KMT2C: variants seen among roughly 807,000 people sequenced by gnomAD.
KMT2C encodes lysine methyltransferase 2C, also known as histone-lysine N-methyltransferase 2C.
A neutral mutation model predicts 507.9 loss-of-function variants in KMT2C; 88 were observed. The ratio of observed to expected loss-of-function variants is 0.17; its 90% CI spans 0.15 to 0.21. The LOEUF (loss-of-function observed/expected upper bound fraction) is 0.21, where lower values mean the gene tolerates loss of function less well. KMT2C is among the 10% of genes least tolerant of loss of function. KMT2C has a pLI of 1.00. For synonymous variants in KMT2C, 2,049 were observed against 2,080.8 expected (o/e 0.98, Z 0.42); for missense variants, 4,954 against 5,957.8 (o/e 0.83, Z 5.55).
chr7:152,433,241 G>A (rs9801022), intron 1 of KMT2C, among the ~76,000 whole-genome samples: 9 of 151,908 alleles, frequency 5.9e-5, no homozygotes, highest in Admixed American at 2.6e-4. Context: ...ATCTCTATGA[G>A]ATTTAGCAAA....
intron 6 of KMT2C, among the ~76,000 whole-genome samples, chr7:152,307,266 G>C (rs1036228268): frequency 8.6e-6 from 1 of 116,560 alleles, no homozygotes; most frequent in African/African-American, 4.2e-5. Context: ...AGGAAGGAAG[G>C]AAGGAAGAAA....
intron 26 of KMT2C, among the ~76,000 whole-genome samples, chr7:152,201,502 T>C (rs1370062252): frequency 6.6e-6 from 1 of 151,520 alleles, no homozygotes; most frequent in Non-Finnish European, 1.5e-5. Flanking sequence ...AAATTTATAT[T>C]ACACTTTACA....
intron 2 of KMT2C, among the ~76,000 whole-genome samples, chr7:152,342,631 A>G (rs542101172): frequency 5.9e-5 from 9 of 152,262 alleles, no homozygotes; most frequent in African/African-American, 9.6e-5. Flanking sequence ...CCTGAACCAT[A>G]ATTGACAAAA....
In KMT2C at chr7:152,311,880, A is replaced by T. The variant is rs768038985; in HGVS notation, c.657T>A (p.Asp219Glu). The change falls in exon 5 of 59, where the codon GAT becomes GAA. Residue 219 changes from aspartate to glutamate, a missense_variant. Asp to Glu is a conservative substitution (Grantham distance 45). Around this residue, in one of 29 missense-constraint regions of KMT2C, gnomAD observed 233 missense variants for 263.6 expected, o/e 0.88. Coordinates refer to ENST00000262189, the MANE Select transcript of KMT2C (RefSeq NM_170606.3). The part of the protein sequence containing the change: ...VSVSTQTASD[D>E]QAGKLWDELS... The stretch of plus-strand genomic sequence containing the variant: ...GTTCATCCCACAGTTTACCAGCTTG[A>T]TCATCTGAAGCTGTCTGGGTGCTTA... The T allele has an allele frequency of 6.8e-6, 11 of 1,611,924 alleles. No homozygotes were observed. Among genetic ancestry groups the T allele is most frequent in the Non-Finnish European group, 9.3e-6 (11 of 1,178,310 alleles).
chr7:152,229,312 A>G (rs1203061463), intron 18 of KMT2C, among the ~76,000 whole-genome samples: 1 of 152,162 alleles, frequency 6.6e-6, no homozygotes, highest in African/African-American at 2.4e-5. Flanking sequence ...GTTCTTAAAA[A>G]GAAAAAACCA....
intron 6 of KMT2C, among the ~76,000 whole-genome samples, chr7:152,304,993 A>G (rs2096602799): frequency 6.6e-6 from 1 of 152,230 alleles, no homozygotes; most frequent in South Asian, 2.1e-4. Flanking sequence ...TGCTCTATTT[A>G]GAGATTAAGT....
intron 1 of KMT2C, chr7:152,367,147 G>C (rs999967451): frequency 4.9e-5 from 64 of 1,296,984 alleles, no homozygotes; most frequent in Non-Finnish European, 6.4e-5. Context: ...TAGCACTGGA[G>C]AAACGAGGAA....
At chr7:152,369,062 C>G (rs751218649) in intron 1 of KMT2C, among the ~76,000 whole-genome samples, 9 of 151,998 alleles carry the variant, frequency 5.9e-5, no homozygotes, top group Non-Finnish European at 8.8e-5. Context: ...GTGGCTCACA[C>G]CTGTAATCCC....
In KMT2C at chr7:152,149,023, G is replaced by A; in HGVS notation, c.12904C>T (p.Pro4302Ser). 6.5e-7 allele frequency: 1 copy of A among 1,539,900 alleles called. No homozygotes were observed. Among genetic ancestry groups the A allele is most frequent in the East Asian group, 2.2e-5 (1 of 44,446 alleles). ...LPQLPEKASP[P>S]ASPPIAFPPA... is the part of the protein sequence containing the mutation. ...GGGAAGGCGATGGGTGGTGAGGCAG[G>A]GGGAGAAGCTTTCTCTGGGAGCTGG... is the stretch of plus-strand genomic sequence containing the variant. Residue 4302 changes from proline to serine, a missense_variant, in exon 52 of 59, where the codon CCT becomes TCT. By Grantham distance (74) the Pro-to-Ser change is moderately conservative (BLOSUM62 -1). Coordinates refer to ENST00000262189, the MANE Select transcript of KMT2C (RefSeq NM_170606.3).
intron 3 of KMT2C, among the ~76,000 whole-genome samples, chr7:152,329,527 A>G (rs1047901433): frequency 6.6e-6 from 1 of 151,900 alleles, no homozygotes; most frequent in Non-Finnish European, 1.5e-5. Flanking sequence ...CTGTGATCAC[A>G]CTACTGCACT....
chr7:152,254,321 A>C (rs1176782453), intron 9 of KMT2C, among the ~76,000 whole-genome samples: 1 of 152,142 alleles, frequency 6.6e-6, no homozygotes, highest in African/African-American at 2.4e-5. Context: ...GAAAAGAAAA[A>C]CAATCCTAAA....
intron 36 of KMT2C, 85 bp from the exon 37 acceptor site, chr7:152,180,211 G>A: frequency 7.0e-7 from 1 of 1,426,332 alleles, no homozygotes; most frequent in Non-Finnish European, 9.8e-7. Context: ...TTTAGATATG[G>A]GATCTTGCTA....
Position 152,410,232 on chromosome 7 carries a change from A to C in KMT2C, c.161+25394T>G, listed in dbSNP as rs201045763. Among the ~76,000 whole-genome samples the C allele has an allele frequency of 7.2e-5, 11 of 152,414 alleles. No individual in the cohort carries two copies. In the East Asian group the frequency reaches 1.7e-3, roughly 24 times the overall value. On this transcript the variant is annotated intron_variant, in intron 1 of 58. Coordinates refer to ENST00000262189, the MANE Select transcript of KMT2C (RefSeq NM_170606.3). The stretch of plus-strand genomic sequence containing the variant: ...CAAGACCAGCCTGACCAACATGGTG[A>C]AACCCCGTCTCTACTAAAAACACAA...
intron 16 of KMT2C, among the ~76,000 whole-genome samples, chr7:152,232,732 G>A (rs1208704464): frequency 6.6e-6 from 1 of 152,014 alleles, no homozygotes; most frequent in East Asian, 1.9e-4. Flanking sequence ...AGATTTTAGA[G>A]AATCATCCAA....
intron 2 of KMT2C, among the ~76,000 whole-genome samples, chr7:152,346,286 T>C (rs1171613712): frequency 6.6e-6 from 1 of 152,214 alleles, no homozygotes; most frequent in African/African-American, 2.4e-5. Context: ...AGAATACACA[T>C]GCTTCTCATC....
At chr7:152,390,779 T>C (rs972571874) in intron 1 of KMT2C, among the ~76,000 whole-genome samples, 4 of 151,440 alleles carry the variant, frequency 2.6e-5, no homozygotes, top group African/African-American at 9.7e-5. Context: ...AGACACCTGC[T>C]ACACACACAC....
intron 2 of KMT2C, among the ~76,000 whole-genome samples, chr7:152,331,804 AT>A (rs1178266819): frequency 2.0e-5 from 3 of 151,752 alleles, no homozygotes; most frequent in Non-Finnish European, 2.9e-5. Context: ...GCCCACCACC[AT>A]GCCTGGCTAA....
At chr7:152,404,970 C>A (rs2097598657) in intron 1 of KMT2C, among the ~76,000 whole-genome samples, 1 of 152,018 alleles carries the variant, frequency 6.6e-6, no homozygotes, top group African/African-American at 2.4e-5. Flanking sequence ...CCCACCTCAG[C>A]CTTCTGAGGA....
chr7:152,334,910 T>C (rs996900133), intron 2 of KMT2C, among the ~76,000 whole-genome samples: 4 of 152,344 alleles, frequency 2.6e-5, no homozygotes, highest in African/African-American at 9.6e-5. Context: ...GGGTCTCTGT[T>C]ACAGCAGTTT....
Sources: allele counts gnomAD v4.1 joint callset (sites outside exome capture counted in the v4.1 genomes callset), GRCh38; gene constraint gnomAD v4.1.1; regional missense constraint gnomAD v4.1.1; transcripts MANE v1.5; gene names NCBI Gene and HGNC (gene_info 2026-07-23, HGNC 2026-07-21).